The following KDM2A variants were observed in gnomAD, a reference collection of about 807,000 sequenced individuals.
KDM2A encodes the protein lysine demethylase 2A, also known as lysine-specific demethylase 2A.
In KDM2A, 3 loss-of-function variants were observed where a neutral mutation model predicts 137.3. That is an observed-to-expected ratio of 0.02 (90% confidence interval 0.01 to 0.06). KDM2A has a LOEUF of 0.06. Ranked by LOEUF, KDM2A falls within the 10% of genes least tolerant of loss-of-function variation. The pLI is 1.00. For missense variants in KDM2A, 738 were observed against 1,510.6 expected (o/e 0.49, Z 8.48); for synonymous variants, 512 against 541.5 (o/e 0.95, Z 0.76).
At chr11:67,205,850 C>G (rs1051535225) in intron 5 of KDM2A, among the ~76,000 whole-genome samples, 1 of 151,978 alleles carries the variant, frequency 6.6e-6, no homozygotes, top group Non-Finnish European at 1.5e-5. Context: ...AATCTTTTAG[C>G]TTATATTTTA....
chr11:67,219,179 A>G (rs1858259459), intron 9 of KDM2A, 109 bp from the exon 10 acceptor site: 12 of 461,182 alleles, frequency 2.6e-5, no homozygotes, highest in Middle Eastern at 3.5e-4. Context: ...ACCACTAAGA[A>G]GCAGAATCAG....
At chr11:67,249,946 G>A (rs576756982) in intron 16 of KDM2A, 140 bp from the exon 17 acceptor site, 17 of 678,622 alleles carry the variant, frequency 2.5e-5, no homozygotes, top group African/African-American at 4.2e-5. Flanking sequence ...AGCCTGGGCC[G>A]ACTCTGAGGG....
chr11:67,235,503 A>G (rs995911569), intron 12 of KDM2A, among the ~76,000 whole-genome samples: 15 of 151,672 alleles, frequency 9.9e-5, no homozygotes, highest in African/African-American at 3.4e-4. Flanking sequence ...GGGCTTCTTC[A>G]TGTTGTTCAG....
intron 6 of KDM2A, among the ~76,000 whole-genome samples, chr11:67,213,634 C>T (rs539007978): frequency 6.7e-4 from 102 of 151,588 alleles, no homozygotes; most frequent in Non-Finnish European, 2.2e-4. Flanking sequence ...TGGCGGGTGC[C>T]TGTAATCCCA....
At chr11:67,165,579 C>G (rs1425565618) in intron 2 of KDM2A, among the ~76,000 whole-genome samples, 1 of 152,122 alleles carries the variant, frequency 6.6e-6, no homozygotes, top group Non-Finnish European at 1.5e-5. Context: ...ATCACAGCTC[C>G]AGAGAGAAGG....
chr11:67,138,827 C>G (rs1856029212), intron 2 of KDM2A, among the ~76,000 whole-genome samples: 1 of 152,148 alleles, frequency 6.6e-6, no homozygotes, highest in Non-Finnish European at 1.5e-5. Context: ...ACTAGTTCTC[C>G]AGGTGATTCT....
intron 6 of KDM2A, among the ~76,000 whole-genome samples, chr11:67,211,661 A>G (rs1382889105): frequency 6.8e-6 from 1 of 147,770 alleles, no homozygotes; most frequent in Admixed American, 6.8e-5. Context: ...ATAATAGCCT[A>G]TTAGTAGTTC....
chr11:67,139,724 T>G (rs1856051284), intron 2 of KDM2A, among the ~76,000 whole-genome samples: 1 of 151,992 alleles, frequency 6.6e-6, no homozygotes, highest in South Asian at 2.1e-4. Context: ...TTAATTTATT[T>G]TTTGAGACAG....
chr11:67,198,675 A>G (rs1480592885), intron 5 of KDM2A, among the ~76,000 whole-genome samples: 1 of 147,484 alleles, frequency 6.8e-6, no homozygotes, highest in Non-Finnish European at 1.5e-5. Flanking sequence ...CCGCCACTGC[A>G]CTCCAGCCTG....
chr11:67,172,616 T>TTGTGTGTGTGTGTGTG (rs35333315), intron 2 of KDM2A, among the ~76,000 whole-genome samples: 1 of 146,422 alleles, frequency 6.8e-6, no homozygotes, highest in African/African-American at 2.5e-5. Flanking sequence ...GCTCTTATAG[T>TTGTGTGTGTGTGTGTG]TGTGTGTGTG....
rs953387262 is a variant in KDM2A at position 67,257,917 on chromosome 11, G to A, written c.*2862G>A. 6.6e-6 allele frequency: 1 copy of A among 152,100 alleles called. No homozygotes were observed. The highest frequency in any genetic ancestry group is 1.5e-5 in the Non-Finnish European group (1 of 68,022). The allele number at this position is 152,100 out of a possible 1,614,324, so 9.4% of individuals were successfully genotyped here. ...CCACTATTGGTTTTAGAGAGAGCAA[G>A]GACATCTTTCCTCTGACACGTGGGA... On this transcript the variant is annotated 3_prime_UTR_variant, in exon 21 of 21. Coordinates refer to ENST00000529006, the MANE Select transcript of KDM2A (RefSeq NM_012308.3).
chr11:67,230,413 A>C (rs1858674594), intron 11 of KDM2A, among the ~76,000 whole-genome samples: 1 of 152,178 alleles, frequency 6.6e-6, no homozygotes, highest in Non-Finnish European at 1.5e-5. Context: ...GGCACACCTA[A>C]GTCCAAGAGG....
Position 67,255,071 on chromosome 11 carries a change from G to A in KDM2A, c.*16G>A, listed in dbSNP as rs1328789047. The A allele has an allele frequency of 6.3e-7, 1 of 1,599,740 alleles. No individual in the cohort carries two copies. Among genetic ancestry groups the A allele is most frequent in the South Asian group, 1.1e-5 (1 of 88,934 alleles). ...GATCAGCTAAGACACACCCAGCCCA[G>A]ATTCAACAGGAAACCGATCTTCCCC... On this transcript the variant is annotated 3_prime_UTR_variant, in exon 21 of 21. Transcript: ENST00000529006.
At chr11:67,193,611 G>A (rs1040954526) in intron 5 of KDM2A, among the ~76,000 whole-genome samples, 8 of 151,808 alleles carry the variant, frequency 5.3e-5, no homozygotes, top group South Asian at 2.1e-4. Flanking sequence ...CTGTAATCCC[G>A]GCACTTTGGG....
chr11:67,195,065 A>G (rs983802249), intron 5 of KDM2A, among the ~76,000 whole-genome samples: 3 of 152,202 alleles, frequency 2.0e-5, no homozygotes, highest in Admixed American at 6.5e-5. Flanking sequence ...GGACCTAGAC[A>G]GAGGCAATAA....
intron 12 of KDM2A, among the ~76,000 whole-genome samples, chr11:67,241,304 C>T (rs1471719007): frequency 1.3e-5 from 2 of 152,146 alleles, no homozygotes; most frequent in Non-Finnish European, 2.9e-5. Flanking sequence ...ATGGTACTAA[C>T]AGAAAAGGAT....
At chr11:67,220,645 T>C (rs1427143660) in intron 10 of KDM2A, among the ~76,000 whole-genome samples, 2 of 152,208 alleles carry the variant, frequency 1.3e-5, no homozygotes, top group Non-Finnish European at 2.9e-5. Flanking sequence ...TAATTTATTA[T>C]ATACAATGGA....
At chr11:67,155,504 G>C (rs1856492013) in intron 2 of KDM2A, among the ~76,000 whole-genome samples, 1 of 152,028 alleles carries the variant, frequency 6.6e-6, no homozygotes, top group Admixed American at 6.6e-5. Context: ...AGGTCTTGCT[G>C]TGTTGCCCAA....
chr11:67,216,039 G>T, intron 8 of KDM2A, 90 bp downstream of exon 8: 1 of 937,296 alleles, frequency 1.1e-6, no homozygotes, highest in Non-Finnish European at 1.8e-6. Flanking sequence ...CCCTGGAAAT[G>T]AATCTGTTAG....
Sources: allele counts gnomAD v4.1 joint callset (sites outside exome capture counted in the v4.1 genomes callset), GRCh38; gene constraint gnomAD v4.1.1; transcripts MANE v1.5; gene names NCBI Gene and HGNC (gene_info 2026-07-23, HGNC 2026-07-21).